The following DPYSL2 variants were observed in gnomAD, a reference collection of about 807,000 sequenced individuals.
DPYSL2 encodes dihydropyrimidinase like 2, also known as dihydropyrimidinase-related protein 2.
Under a neutral mutation model 69.9 loss-of-function variants are expected in DPYSL2, and 13 were observed. The ratio of observed to expected loss-of-function variants is 0.19; its 90% CI spans 0.12 to 0.30. DPYSL2 has a LOEUF of 0.30. Among genes scored for constraint, DPYSL2 ranks in the 10% least tolerant of loss-of-function variants. The pLI, the probability that DPYSL2 is intolerant of heterozygous loss-of-function variation, is 1.00. For missense variants in DPYSL2, 587 were observed against 918.9 expected (o/e 0.64, Z 4.67); for synonymous variants, 326 against 359.1 (o/e 0.91, Z 1.04).
In DPYSL2 at chr8:26,525,797, G is replaced by A. The variant is rs147513909; in HGVS notation, c.354+11118G>A. On this transcript the variant is annotated intron_variant, in intron 1 of 13. Coordinates refer to ENST00000521913, the MANE Select transcript of DPYSL2 (RefSeq NM_001197293.3). Reference sequence around the variant, plus strand: ...TAGCTCTTTAATATCTTTAGTTTTCGTTTTCCCCGTCACTCAAATGTGCTT... The same window carrying A: ...TAGCTCTTTAATATCTTTAGTTTTCATTTTCCCCGTCACTCAAATGTGCTT... 2.4e-4 allele frequency among the ~76,000 whole-genome samples: 36 copies of A among 151,994 alleles called. No individual in the cohort carries two copies. The East Asian group carries it at 5.0e-3, about 21-fold the overall frequency.
intron 1 of DPYSL2, chr8:26,578,370 A>G: frequency 6.3e-7 from 1 of 1,598,206 alleles, no homozygotes; most frequent in African/African-American, 1.4e-5. Flanking sequence ...ATTTTTAAAA[A>G]GGAGGGGAAA....
intron 3 of DPYSL2, among the ~76,000 whole-genome samples, chr8:26,608,621 A>G (rs1802160557): frequency 6.6e-6 from 1 of 152,242 alleles, no homozygotes; most frequent in Admixed American, 6.5e-5. Flanking sequence ...CCTGAACAAC[A>G]GGTCCCTTAT....
rs1404715718 is a variant in DPYSL2, at chr8:26,624,765, C to T, written c.793+458C>T. Among the ~76,000 whole-genome samples, 1 of 152,124 alleles carries T rather than the reference C, an allele frequency of 6.6e-6. No homozygotes were observed. The highest frequency in any genetic ancestry group is 1.5e-5 in the Non-Finnish European group (1 of 68,016). ...TAGATTTGAGGGCTATGAGACACTT[C>T]AAAACTGAGTGACAACCTGAGAGGG... On this transcript the variant is annotated intron_variant, in intron 4 of 13. Coordinates refer to ENST00000521913, the MANE Select transcript of DPYSL2 (RefSeq NM_001197293.3). The surrounding 1 kb of genome is among the most constrained non-coding windows in gnomAD (Gnocchi z 4.7).
intron 1 of DPYSL2, chr8:26,577,815 T>C: frequency 1.0e-6 from 1 of 997,686 alleles, no homozygotes; most frequent in Non-Finnish European, 1.2e-6. Context: ...CCCACCGGCC[T>C]AAATTTGCAT....
intron 3 of DPYSL2, among the ~76,000 whole-genome samples, chr8:26,601,702 T>G (rs1179916451): frequency 6.6e-6 from 1 of 152,250 alleles, no homozygotes; most frequent in African/African-American, 2.4e-5. Flanking sequence ...CTTCAGGTGC[T>G]AATGTTGCAG....
rs1023795338 is a variant in DPYSL2, at chr8:26,587,383, C to T, written c.628+3400C>T. On this transcript the variant is annotated intron_variant, in intron 3 of 13. Transcript: ENST00000521913. The surrounding 1 kb of genome is among the most constrained non-coding windows in gnomAD (Gnocchi z 4.2). ...GCCACCCCGCCCCTGGGCACTCCACCCTCCTGGCTTTCTGGCCTTCTCCAG... is the reference window on the plus strand; with the variant it reads ...GCCACCCCGCCCCTGGGCACTCCACTCTCCTGGCTTTCTGGCCTTCTCCAG... Among the ~76,000 whole-genome samples the T allele has an allele frequency of 6.6e-6, 1 of 152,192 alleles. No homozygotes were observed. The highest frequency in any genetic ancestry group is 6.5e-5 in the Admixed American group (1 of 15,284).
intron 3 of DPYSL2, among the ~76,000 whole-genome samples, chr8:26,595,307 T>C (rs1327857965): frequency 6.6e-6 from 1 of 152,050 alleles, no homozygotes; most frequent in Non-Finnish European, 1.5e-5. Context: ...TACTTTTCGC[T>C]ATTTTTTTTT....
rs965473967 is a variant in DPYSL2, at chr8:26,647,541, G to A, written c.1426-89G>A. 3.2e-5 allele frequency: 44 copies of A among 1,380,818 alleles called. No homozygotes were observed. In the East Asian group the frequency reaches 3.7e-4, roughly 12 times the overall value. The allele number at this position is 1,380,818 out of a possible 1,614,324, so 85.5% of individuals were successfully genotyped here. ...GCTCTTGACATCCATCTAAGCTGTC[G>A]TGTGTATCAATAGTTTGTTATTGAA... On this transcript the variant is annotated intron_variant, in intron 10 of 13. Coordinates refer to ENST00000521913, the MANE Select transcript of DPYSL2 (RefSeq NM_001197293.3). This position sits in a 1 kb window ranked among gnomAD's most constrained non-coding sequence, Gnocchi z 5.1.
chr8:26,632,225 C>T (rs138837428), intron 7 of DPYSL2, among the ~76,000 whole-genome samples: 7 of 152,234 alleles, frequency 4.6e-5, no homozygotes, highest in Admixed American at 3.9e-4. Flanking sequence ...AGAGGAGTGG[C>T]GACTGAGCCT....
chr8:26,634,262 G>A (rs754509093), intron 7 of DPYSL2, among the ~76,000 whole-genome samples: 1 of 151,996 alleles, frequency 6.6e-6, no homozygotes, highest in Non-Finnish European at 1.5e-5. Context: ...TCAGAAGGGA[G>A]TTTTCTTTTC....
chr8:26,619,680 G>C lies in DPYSL2; in HGVS notation c.629-4463G>C, dbSNP rs1802437318. 1 of 152,236 alleles carries C rather than the reference G, an allele frequency of 6.6e-6. No homozygotes were observed. The highest frequency in any genetic ancestry group is 1.5e-5 in the Non-Finnish European group (1 of 68,094). 9.4% of individuals were successfully genotyped at this position (152,236 alleles called of 1,614,324 possible). A position where few individuals can be genotyped will look rare whatever the true frequency, so the allele number is the denominator to read the frequency against. Reference sequence around the variant, plus strand: ...TACTGGGTCCCAGTCTGGACCTGCAGCGTCAGAAACTCTGGGGTAAGGTCT... The same window carrying C: ...TACTGGGTCCCAGTCTGGACCTGCACCGTCAGAAACTCTGGGGTAAGGTCT... On this transcript the variant is annotated intron_variant, in intron 3 of 13. Coordinates refer to ENST00000521913, the MANE Select transcript of DPYSL2 (RefSeq NM_001197293.3). This position sits in a 1 kb window ranked among gnomAD's most constrained non-coding sequence, Gnocchi z 4.8.
At chr8:26,555,014 A>T (rs2117641039) in intron 1 of DPYSL2, among the ~76,000 whole-genome samples, 1 of 152,322 alleles carries the variant, frequency 6.6e-6, no homozygotes, top group East Asian at 1.9e-4. Context: ...GAAGAAAAAA[A>T]GATCACATGA....
At chr8:26,569,653 C>T (rs1231198007) in intron 1 of DPYSL2, among the ~76,000 whole-genome samples, 3 of 152,016 alleles carry the variant, frequency 2.0e-5, no homozygotes, top group African/African-American at 7.3e-5. Context: ...AACAAATGCA[C>T]AAAAATACTT....
At chr8:26,635,885 A>G (rs1351099281) in intron 8 of DPYSL2, among the ~76,000 whole-genome samples, 1 of 151,880 alleles carries the variant, frequency 6.6e-6, no homozygotes, top group Non-Finnish European at 1.5e-5. Context: ...TTTGACCTCT[A>G]TGGCTTGGTT....
In DPYSL2 at chr8:26,653,125, G is replaced by T. The variant is rs1803311464; in HGVS notation, c.1777-107G>T. 1.5e-6 allele frequency: 2 copies of T among 1,361,862 alleles called. No individual in the cohort carries two copies. The highest frequency in any genetic ancestry group is 2.9e-5 in the African/African-American group (2 of 68,412). The allele number at this position is 1,361,862 out of a possible 1,614,324, so 84.4% of individuals were successfully genotyped here. On this transcript the variant is annotated intron_variant, in intron 12 of 13. Transcript: ENST00000521913. The surrounding 1 kb of genome is among the most constrained non-coding windows in gnomAD (Gnocchi z 5.7). Reference sequence around the variant, plus strand: ...ACCTGTCCACCTGTCTGTAAGGAGAGCCCTCCATCCCTAGATCTCACAGGC... The same window carrying T: ...ACCTGTCCACCTGTCTGTAAGGAGATCCCTCCATCCCTAGATCTCACAGGC...
Position 26,627,968 on chromosome 8 carries a change from A to T in DPYSL2, c.1005+28A>T. ...GAATGTTCACCAAGCGGAATGCGTG[A>T]ATCAGTGTCCCTTGGGCACTGTGCA... On this transcript the variant is annotated intron_variant, in intron 7 of 13. Coordinates refer to ENST00000521913, the MANE Select transcript of DPYSL2 (RefSeq NM_001197293.3). This position sits in a 1 kb window ranked among gnomAD's most constrained non-coding sequence, Gnocchi z 6.9. 6.2e-7 allele frequency: 1 copy of T among 1,609,336 alleles called. No homozygotes were observed. Among genetic ancestry groups the T allele is most frequent in the South Asian group, 1.1e-5 (1 of 90,068 alleles).
chr8:26,607,077 T>A (rs1264716943), intron 3 of DPYSL2, among the ~76,000 whole-genome samples: 3 of 152,224 alleles, frequency 2.0e-5, no homozygotes, highest in Non-Finnish European at 4.4e-5. Context: ...CTAAGGATGT[T>A]CATTGTAGCA....
chr8:26,578,577 T>C, intron 1 of DPYSL2: 1 of 1,338,774 alleles, frequency 7.5e-7, no homozygotes, highest in Non-Finnish European at 9.6e-7. Flanking sequence ...CAGTGAGAGA[T>C]GCTGCAGCGT....
rs932605899 is a variant in DPYSL2, at chr8:26,654,425, A to AT, written c.1942+1036dup. ...TAAAGAAATTGTTAAACCAGAGAGAATTTTTTTTCTTGGTGGTTGTATGGG... is the reference window on the plus strand; with the variant it reads ...TAAAGAAATTGTTAAACCAGAGAGAATTTTTTTTTCTTGGTGGTTGTATGGG... On this transcript the variant is annotated intron_variant, in intron 13 of 13. Coordinates refer to ENST00000521913, the MANE Select transcript of DPYSL2 (RefSeq NM_001197293.3). The surrounding 1 kb of genome is among the most constrained non-coding windows in gnomAD (Gnocchi z 5.0). 6.6e-6 allele frequency among the ~76,000 whole-genome samples: 1 copy of AT among 151,590 alleles called. No homozygotes were observed. Among genetic ancestry groups the AT allele is most frequent in the Non-Finnish European group, 1.5e-5 (1 of 67,924 alleles).
Sources: allele counts gnomAD v4.1 joint callset (sites outside exome capture counted in the v4.1 genomes callset), GRCh38; gene constraint gnomAD v4.1.1; non-coding constraint Gnocchi (gnomAD v3.1); transcripts MANE v1.5; gene names NCBI Gene and HGNC (gene_info 2026-07-23, HGNC 2026-07-21).